The following TRHDE variants were observed in gnomAD, a reference collection of about 807,000 sequenced individuals.
TRHDE encodes the protein thyrotropin releasing hormone degrading enzyme, also known as thyrotropin-releasing hormone-degrading ectoenzyme.
In TRHDE, 72 loss-of-function variants were observed where a neutral mutation model predicts 125.7. The observed-to-expected ratio is 0.57, with a 90% CI of 0.47 to 0.70. TRHDE has a LOEUF of 0.70. Ranked by LOEUF, TRHDE falls within the 30% of genes least tolerant of loss-of-function variation. The pLI is 0.00. For synonymous variants in TRHDE, 509 were observed against 509.1 expected (o/e 1.00, Z 0.00); for missense variants, 1,110 against 1,327.1 (o/e 0.84, Z 2.54).
intron 3 of TRHDE, among the ~76,000 whole-genome samples, chr12:72,380,885 T>TTCCTTCCTTCCTTCCTTC (rs1872144718): frequency 6.8e-5 from 10 of 146,750 alleles, no homozygotes; most frequent in African/African-American, 2.5e-4. Flanking sequence ...CTTCTTTCTT[T>TTCCTTCCTTCCTTCCTTC]CTTCCTTCCT....
intron 7 of TRHDE, among the ~76,000 whole-genome samples, chr12:72,549,657 T>C (rs956104204): frequency 6.6e-6 from 1 of 151,882 alleles, no homozygotes; most frequent in African/African-American, 2.4e-5. Context: ...TGGCATTTAA[T>C]TTATTAATGA....
chr12:72,537,251 T>C (rs1217592925), intron 6 of TRHDE, among the ~76,000 whole-genome samples: 2 of 152,070 alleles, frequency 1.3e-5, no homozygotes, highest in Non-Finnish European at 1.5e-5. Flanking sequence ...CTAGGACTTA[T>C]GGTGTGGTTT....
At chr12:72,130,049 C>T (rs1247740293) in intron 2 of TRHDE, among the ~76,000 whole-genome samples, 2 of 152,254 alleles carry the variant, frequency 1.3e-5, no homozygotes, top group East Asian at 1.9e-4. Flanking sequence ...CGCCTGTAAT[C>T]CCAGCACTTT....
chr12:72,356,612 G>A (rs1022852181), intron 2 of TRHDE, among the ~76,000 whole-genome samples: 1 of 151,504 alleles, frequency 6.6e-6, no homozygotes, highest in Non-Finnish European at 1.5e-5. Context: ...GATGTGAGAA[G>A]TTATGTGGTT....
Position 72,524,216 on chromosome 12 carries a change from C to A in TRHDE, c.1723-18075C>A, listed in dbSNP as rs78662992. Among the ~76,000 whole-genome samples, 61 of 152,222 alleles carry A rather than the reference C, an allele frequency of 4.0e-4. No homozygotes were observed. The East Asian group carries it at 0.011, about 28-fold the overall frequency. ...TTTAATCAGCGCATTTTATCCTCTCCGTAAACTCTCCCTGAAGTCAGAATA... is the reference window on the plus strand; with the variant it reads ...TTTAATCAGCGCATTTTATCCTCTCAGTAAACTCTCCCTGAAGTCAGAATA... On this transcript the variant is annotated intron_variant, in intron 6 of 18. Coordinates refer to ENST00000261180, the MANE Select transcript of TRHDE (RefSeq NM_013381.3).
chr12:72,589,791 C>CT (rs1423859230), intron 12 of TRHDE, among the ~76,000 whole-genome samples: 1 of 151,864 alleles, frequency 6.6e-6, no homozygotes, highest in Admixed American at 6.6e-5. Context: ...TGTTTTCTCT[C>CT]TTTTTTGTGA....
At chr12:72,191,205 C>G (rs1877332229) in intron 2 of TRHDE, among the ~76,000 whole-genome samples, 1 of 152,130 alleles carries the variant, frequency 6.6e-6, no homozygotes, top group Admixed American at 6.5e-5. Flanking sequence ...CTATTGAATA[C>G]TGGTTAGTGG....
At chr12:72,530,455 A>G (rs1465428318) in intron 6 of TRHDE, among the ~76,000 whole-genome samples, 1 of 83,790 alleles carries the variant, frequency 1.2e-5, no homozygotes, top group African/African-American at 5.0e-5. Context: ...TAACCAGCTC[A>G]TTGGCCATTT....
chr12:72,513,021 A>G (rs1450621291), intron 6 of TRHDE, among the ~76,000 whole-genome samples: 2 of 152,110 alleles, frequency 1.3e-5, no homozygotes, highest in Non-Finnish European at 2.9e-5. Context: ...ACCACACACC[A>G]ATTGTTAATC....
chr12:72,602,635 G>C (rs1260328537), intron 12 of TRHDE, among the ~76,000 whole-genome samples: 1 of 152,156 alleles, frequency 6.6e-6, no homozygotes, highest in Non-Finnish European at 1.5e-5. Context: ...ACCATTAATT[G>C]AGACAGCTGG....
chr12:72,116,451 G>C (rs1482627686), intron 2 of TRHDE, among the ~76,000 whole-genome samples: 1 of 152,122 alleles, frequency 6.6e-6, no homozygotes, highest in Non-Finnish European at 1.5e-5. Context: ...CTTTCACAAT[G>C]GTTGAACTAA....
At chr12:72,303,233 C>G (rs1868287802) in intron 2 of TRHDE, 1 of 152,056 alleles carries the variant, frequency 6.6e-6, no homozygotes, top group African/African-American at 2.4e-5. Context: ...GGAATTAAAA[C>G]AAAAGGGGTA....
At chr12:72,383,723 T>G (rs1016702326) in intron 3 of TRHDE, among the ~76,000 whole-genome samples, 4 of 151,718 alleles carry the variant, frequency 2.6e-5, no homozygotes, top group African/African-American at 9.7e-5. Context: ...TTCTGTTTTT[T>G]TTTTTTTTTT....
chr12:72,419,812 C>T (rs1228841161), intron 3 of TRHDE, among the ~76,000 whole-genome samples: 2 of 152,120 alleles, frequency 1.3e-5, no homozygotes, highest in African/African-American at 4.8e-5. Context: ...ATTGTGGTTA[C>T]TTAATAATTA....
chr12:72,208,616 A>T (rs936057469), intron 2 of TRHDE, among the ~76,000 whole-genome samples: 7 of 152,018 alleles, frequency 4.6e-5, no homozygotes, highest in Non-Finnish European at 8.8e-5. Context: ...CTCTGCATCT[A>T]TTTTTTTCTG....
intron 3 of TRHDE, among the ~76,000 whole-genome samples, chr12:72,422,476 T>C (rs1873999999): frequency 6.6e-6 from 1 of 152,198 alleles, no homozygotes; most frequent in Non-Finnish European, 1.5e-5. Flanking sequence ...TGATTTACTC[T>C]TGGAGAGAAA....
At chr12:72,519,621 T>C (rs865797525) in intron 6 of TRHDE, among the ~76,000 whole-genome samples, 1 of 152,262 alleles carries the variant, frequency 6.6e-6, no homozygotes, top group African/African-American at 2.4e-5. Flanking sequence ...AATTTGATCA[T>C]CTGAAGCCTT....
At chr12:72,373,682 A>G (rs910370322) in intron 2 of TRHDE, among the ~76,000 whole-genome samples, 2 of 152,216 alleles carry the variant, frequency 1.3e-5, no homozygotes, top group Non-Finnish European at 2.9e-5. Flanking sequence ...TGGGATTTGG[A>G]CAAGTATCTA....
At chr12:72,536,708 A>C (rs952010674) in intron 6 of TRHDE, among the ~76,000 whole-genome samples, 1 of 152,010 alleles carries the variant, frequency 6.6e-6, no homozygotes, top group African/African-American at 2.4e-5. Context: ...ACTATTTTCA[A>C]TTTTGCTAGC....
Sources: allele counts gnomAD v4.1 joint callset (sites outside exome capture counted in the v4.1 genomes callset), GRCh38; gene constraint gnomAD v4.1.1; transcripts MANE v1.5; gene names NCBI Gene and HGNC (gene_info 2026-07-23, HGNC 2026-07-21).